Variants in SRP9 observed in about 807,000 individuals in gnomAD.
SRP9 encodes the protein signal recognition particle 9 kDa protein.
In SRP9, 2 loss-of-function variants were observed where a neutral mutation model predicts 11.7. The ratio of observed to expected loss-of-function variants is 0.17; its 90% CI spans 0.07 to 0.54. SRP9 has a LOEUF of 0.54. SRP9 is among the 20% of genes least tolerant of loss of function. SRP9 has a pLI of 0.94. For missense variants in SRP9, 54 were observed against 108.1 expected (o/e 0.50, Z 2.22); for synonymous variants, 27 against 35.6 (o/e 0.76, Z 0.86).
intron 2 of SRP9, chr1:225,788,957 A>G (rs1338620851): frequency 3.9e-6 from 6 of 1,524,262 alleles, no homozygotes; most frequent in Non-Finnish European, 5.3e-6. Flanking sequence ...AGTTCTTCTC[A>G]TCAGACCATA....
At chr1:225,783,435 A>C in intron 2 of SRP9, 67 bp downstream of exon 2, 1 of 1,329,234 alleles carries the variant, frequency 7.5e-7, no homozygotes, top group Non-Finnish European at 1.1e-6. Flanking sequence ...GTTTGAAATT[A>C]TTTACTTAGA....
chr1:225,784,413 A>T (rs1575953346), intron 2 of SRP9, among the ~76,000 whole-genome samples: 1 of 146,480 alleles, frequency 6.8e-6, no homozygotes, highest in African/African-American at 2.5e-5. Flanking sequence ...CGCCCAGCTA[A>T]TTTTTTTTTG....
intron 2 of SRP9, chr1:225,786,741 T>G: frequency 8.6e-7 from 1 of 1,161,282 alleles, no homozygotes; most frequent in Non-Finnish European, 1.1e-6. Flanking sequence ...CTGTAAAGTA[T>G]CATAGTGATA....
rs191367978 is a variant in SRP9, at chr1:225,790,243, T to A, written c.*884T>A. Reference sequence around the variant, plus strand: ...TTAGGTGTGACTGTCACAACTGTTATGTTTTCCAGTAAACTAGAAGTACGA... The same window carrying A: ...TTAGGTGTGACTGTCACAACTGTTAAGTTTTCCAGTAAACTAGAAGTACGA... On this transcript the variant is annotated 3_prime_UTR_variant, in exon 3 of 3. Coordinates refer to ENST00000304786, the MANE Select transcript of SRP9 (RefSeq NM_003133.6). 1 of 152,274 alleles carries A rather than the reference T, an allele frequency of 6.6e-6. No individual in the cohort carries two copies. Among genetic ancestry groups the A allele is most frequent in the African/African-American group, 2.4e-5 (1 of 41,476 alleles). The allele number at this position is 152,274 out of a possible 1,614,324, so 9.4% of individuals were successfully genotyped here.
intron 1 of SRP9, 89 bp downstream of exon 1, chr1:225,778,101 C>G: frequency 1.4e-6 from 2 of 1,436,440 alleles, no homozygotes; most frequent in South Asian, 1.2e-5. Flanking sequence ...CCCAGCGCTC[C>G]CAGGAGGTGC....
intron 1 of SRP9, 53 bp from the exon 2 acceptor site, chr1:225,783,247 T>A: frequency 7.0e-7 from 1 of 1,431,202 alleles, no homozygotes; most frequent in Admixed American, 1.7e-5. Context: ...CTAAATTATT[T>A]ATAAGAAATG....
intron 2 of SRP9, among the ~76,000 whole-genome samples, chr1:225,785,799 C>T (rs1665897861): frequency 6.6e-6 from 1 of 151,960 alleles, no homozygotes; most frequent in Non-Finnish European, 1.5e-5. Context: ...TCTCCTGCCT[C>T]GGCCTCCCAA....
intron 2 of SRP9, chr1:225,787,030 GA>G (rs2102651714): frequency 6.1e-6 from 2 of 329,944 alleles, no homozygotes; most frequent in East Asian, 1.9e-4. Flanking sequence ...TTTTTGTCAA[GA>G]CAGGGTCTCA....
intron 2 of SRP9, chr1:225,786,720 A>T: frequency 9.4e-7 from 1 of 1,061,042 alleles, no homozygotes; most frequent in Non-Finnish European, 1.2e-6. Context: ...TTCTGGTCTC[A>T]ATTTCCTCAT....
rs1438409508 is a variant in SRP9, at chr1:225,777,866, A to G, written c.-75A>G. The G allele has an allele frequency of 2.1e-6, 3 of 1,430,700 alleles. No homozygotes were observed. Among genetic ancestry groups the G allele is most frequent in the Admixed American group, 3.7e-5 (2 of 53,562 alleles). 88.6% of individuals were successfully genotyped at this position (1,430,700 alleles called of 1,614,324 possible). ...CTGCTGGGACTCGCGTCGGTTGGCGACTCCCGGACGTAGGTAGTTTGTTGG... is the reference window on the plus strand; with the variant it reads ...CTGCTGGGACTCGCGTCGGTTGGCGGCTCCCGGACGTAGGTAGTTTGTTGG... On this transcript the variant is annotated 5_prime_UTR_variant, in exon 1 of 3. Coordinates refer to ENST00000304786, the MANE Select transcript of SRP9 (RefSeq NM_003133.6).
intron 1 of SRP9, among the ~76,000 whole-genome samples, chr1:225,779,508 G>C (rs1362485656): frequency 1.3e-5 from 2 of 152,170 alleles, no homozygotes; most frequent in Admixed American, 1.3e-4. Context: ...TATGTTTTAA[G>C]TGTATGCAGT....
In SRP9 at chr1:225,781,389, CTTTTTCT is replaced by C. The variant is rs1665795233; in HGVS notation, c.73-1905_73-1899del. ...AAACACGATTGGCCTTTTTTCTTTT[CTTTTTCT>C]TTTTTTTTTTTTTTTTTTTTGAGAC... On this transcript the variant is annotated intron_variant, in intron 1 of 2. Transcript: ENST00000304786. Among the ~76,000 whole-genome samples, 3 of 111,060 alleles carry C rather than the reference CTTTTTCT, an allele frequency of 2.7e-5. No individual in the cohort carries two copies. In the Admixed American group the frequency reaches 2.7e-4, roughly 10 times the overall value. The allele number at this position is 111,060 out of a possible 152,430, so 72.9% of individuals were successfully genotyped here. A position where few individuals can be genotyped will look rare whatever the true frequency, so the allele number is the denominator to read the frequency against.
chr1:225,789,271 A>T lies in SRP9; in HGVS notation c.173A>T (p.Asp58Val), dbSNP rs1665978469. ...GTGTATAAAACAGACCAAGCTCAAG[A>T]TGTAAAGAAGATTGAGAAATTCCAC... ...CLVYKTDQAQ[D>V]VKKIEKFHSQ... The change falls in exon 3 of 3, where the codon GAT (aspartate) becomes GTT (valine). Residue 58 changes from aspartate to valine, a missense_variant. Asp to Val is a radical substitution (Grantham distance 152). Coordinates refer to ENST00000304786, the MANE Select transcript of SRP9 (RefSeq NM_003133.6). 1.2e-6 allele frequency: 2 copies of T among 1,610,420 alleles called. No homozygotes were observed. Among genetic ancestry groups the T allele is most frequent in the African/African-American group, 2.7e-5 (2 of 74,706 alleles).
intron 2 of SRP9, among the ~76,000 whole-genome samples, chr1:225,785,767 C>T (rs935373277): frequency 6.6e-6 from 1 of 151,372 alleles, no homozygotes; most frequent in African/African-American, 2.4e-5. Flanking sequence ...ACTGCAACCT[C>T]TGCCTTCCGG....
intron 1 of SRP9, among the ~76,000 whole-genome samples, chr1:225,780,398 A>G (rs1286929846): frequency 6.6e-6 from 1 of 151,756 alleles, no homozygotes; most frequent in Middle Eastern, 3.2e-3. Flanking sequence ...TTGTTTTCCA[A>G]GATGGAGTTT....
intron 2 of SRP9, among the ~76,000 whole-genome samples, chr1:225,787,533 CAAAAA>C (rs1195975308): frequency 6.6e-6 from 1 of 151,210 alleles, no homozygotes; most frequent in Non-Finnish European, 1.5e-5. Context: ...GACTCGGTCT[CAAAAA>C]AAATAAAATA....
intron 2 of SRP9, 116 bp downstream of exon 2, chr1:225,783,484 T>A: frequency 1.2e-6 from 1 of 820,332 alleles, no homozygotes; most frequent in East Asian, 2.6e-5. Context: ...TATTTTGCAT[T>A]TCATTTAAAG....
At position 225,789,412 on chromosome 1, in the gene SRP9, A is replaced by G; in HGVS notation, c.*53A>G. ...TACTTAGGAAGTAAATATCTTTTGA[A>G]TTAGAGAAAGTGTTGGGACAGAAAG... On this transcript the variant is annotated 3_prime_UTR_variant, in exon 3 of 3. Coordinates refer to ENST00000304786, the MANE Select transcript of SRP9 (RefSeq NM_003133.6). 1.4e-6 allele frequency: 2 copies of G among 1,477,292 alleles called. No individual in the cohort carries two copies. The highest frequency in any genetic ancestry group is 1.8e-6 in the Non-Finnish European group (2 of 1,093,490). The allele number at this position is 1,477,292 out of a possible 1,614,324, so 91.5% of individuals were successfully genotyped here. A position where few individuals can be genotyped will look rare whatever the true frequency, so the allele number is the denominator to read the frequency against.
At chr1:225,784,191 CA>C (rs1286473356) in intron 2 of SRP9, among the ~76,000 whole-genome samples, 1 of 140,342 alleles carries the variant, frequency 7.1e-6, no homozygotes, top group Non-Finnish European at 1.5e-5. Flanking sequence ...CACATACCCT[CA>C]AAATTCACTT....
Sources: allele counts gnomAD v4.1 joint callset (sites outside exome capture counted in the v4.1 genomes callset), GRCh38; gene constraint gnomAD v4.1.1; transcripts MANE v1.5; gene names NCBI Gene and HGNC (gene_info 2026-07-23, HGNC 2026-07-21).